Variants in MAP4K4 observed in about 807,000 individuals in gnomAD.
MAP4K4 encodes mitogen-activated protein kinase kinase kinase kinase 4.
MAP4K4 carries 38 observed loss-of-function variants against 189.6 expected under a neutral mutation model. The ratio of observed to expected loss-of-function variants is 0.20; its 90% CI spans 0.15 to 0.26. The LOEUF is 0.26. Among genes scored for constraint, MAP4K4 ranks in the 10% least tolerant of loss-of-function variants. MAP4K4 has a pLI of 1.00. For synonymous variants in MAP4K4, 610 were observed against 624.3 expected (o/e 0.98, Z 0.34); for missense variants, 1,054 against 1,726.9 (o/e 0.61, Z 6.91).
chr2:101,761,908 A>T (rs2076627931), intron 2 of MAP4K4, among the ~76,000 whole-genome samples: 2 of 152,078 alleles, frequency 1.3e-5, no homozygotes. Flanking sequence ...ACCCTCACCG[A>T]GCTACATTCA....
intron 3 of MAP4K4, among the ~76,000 whole-genome samples, chr2:101,817,202 C>T (rs549549782): frequency 2.5e-4 from 38 of 152,122 alleles, no homozygotes; most frequent in African/African-American, 7.7e-4. Flanking sequence ...TGGGGCTCGA[C>T]GAGGTCAACT....
Position 101,786,308 on chromosome 2 carries a change from G to A in MAP4K4, c.124-4412G>A, listed in dbSNP as rs569427155. Among the ~76,000 whole-genome samples, 3 of 152,000 alleles carry A rather than the reference G, an allele frequency of 2.0e-5. No homozygotes were observed. In the East Asian group the frequency reaches 5.8e-4, roughly 29 times the overall value. ...TGTGATGGTTTTTCGAGTGTGAGGT[G>A]GCAATTTTGACTTGGTTAGAAACAT... is the stretch of plus-strand genomic sequence containing the variant. On this transcript the variant is annotated intron_variant, in intron 2 of 32. Coordinates refer to ENST00000324219, the Ensembl canonical transcript of MAP4K4.
intron 3 of MAP4K4, chr2:101,797,526 C>T: frequency 1.6e-6 from 1 of 614,286 alleles, no homozygotes; most frequent in Non-Finnish European, 2.4e-6. Context: ...GCTAAATTTC[C>T]TCGTCTTGTA....
At chr2:101,865,370 G>C (rs1397241206) in intron 18 of MAP4K4, among the ~76,000 whole-genome samples, 1 of 152,154 alleles carries the variant, frequency 6.6e-6, no homozygotes, top group East Asian at 1.9e-4. Flanking sequence ...GATGTTGTAA[G>C]GCCTGTGGCA....
chr2:101,760,076 C>CCT (rs2075525399), intron 2 of MAP4K4, among the ~76,000 whole-genome samples: 4 of 152,032 alleles, frequency 2.6e-5, no homozygotes, highest in African/African-American at 9.7e-5. Flanking sequence ...GAACTCCTGA[C>CCT]CTCAGGTGAT....
In MAP4K4 at chr2:101,773,828, C is replaced by T. The variant is rs568739727; in HGVS notation, c.124-16892C>T. On this transcript the variant is annotated intron_variant, in intron 2 of 32. Coordinates refer to ENST00000324219, the Ensembl canonical transcript of MAP4K4. ...TTTTTAGCTCCTAGAAGTAAATGAA[C>T]GTGCAATGTCTGTCTTTCCGTGCTT... Among the ~76,000 whole-genome samples the T allele has an allele frequency of 1.3e-3, 195 of 152,254 alleles. 1 individual carries two copies. The highest frequency in any genetic ancestry group is 4.5e-3 in the African/African-American group (188 of 41,534).
chr2:101,775,661 C>T lies in MAP4K4; in HGVS notation c.124-15059C>T, dbSNP rs145122537. The stretch of plus-strand genomic sequence containing the variant: ...ATTTGCCATCTGTTTTATTTTTCCT[C>T]GGAAAAAAATTCTTCAAATTCTCGA... On this transcript the variant is annotated intron_variant, in intron 2 of 32. Coordinates refer to ENST00000324219, the Ensembl canonical transcript of MAP4K4. 5.2e-3 allele frequency among the ~76,000 whole-genome samples: 796 copies of T among 152,174 alleles called. 6 individuals carry two copies. The highest frequency in any genetic ancestry group is 7.5e-3 in the Admixed American group (115 of 15,274).
At chr2:101,702,287 C>T (rs886317167) in intron 2 of MAP4K4, among the ~76,000 whole-genome samples, 9 of 152,066 alleles carry the variant, frequency 5.9e-5, no homozygotes, top group South Asian at 2.1e-4. Context: ...GATTGTCAAC[C>T]GGACGCGGTG....
chr2:101,804,493 T>C (rs1271047485), intron 3 of MAP4K4, among the ~76,000 whole-genome samples: 1 of 152,170 alleles, frequency 6.6e-6, no homozygotes, highest in Non-Finnish European at 1.5e-5. Context: ...TCTTTGTCAG[T>C]TATCTGATGG....
intron 7 of MAP4K4, 133 bp downstream of exon 7, chr2:101,831,984 C>A: frequency 9.6e-7 from 1 of 1,041,638 alleles, no homozygotes; most frequent in Non-Finnish European, 1.4e-6. Context: ...AGGAAAATTG[C>A]AGGTGCAAAT....
intron 2 of MAP4K4, among the ~76,000 whole-genome samples, chr2:101,743,120 G>T (rs1340132465): frequency 6.6e-6 from 1 of 152,124 alleles, no homozygotes; most frequent in Admixed American, 6.5e-5. Context: ...AGATTGTTAG[G>T]GATGTGTGAG....
At chr2:101,864,937 T>G in exon 18 of MAP4K4, 1 of 1,566,102 alleles carries the variant, frequency 6.4e-7, no homozygotes, top group Non-Finnish European at 8.7e-7. Flanking sequence ...AAGGTTCCTG[T>G]GAGAACAACA....
chr2:101,863,117 C>G (rs965232025), intron 16 of MAP4K4, among the ~76,000 whole-genome samples: 2 of 151,944 alleles, frequency 1.3e-5, no homozygotes, highest in Non-Finnish European at 2.9e-5. Flanking sequence ...GAAGGAATAC[C>G]CCAACAATAG....
At chr2:101,701,128 C>T (rs993290916) in intron 2 of MAP4K4, among the ~76,000 whole-genome samples, 1 of 152,042 alleles carries the variant, frequency 6.6e-6, no homozygotes, top group Non-Finnish European at 1.5e-5. Context: ...TAAAAAAAAT[C>T]TGTAAGCTGA....
At chr2:101,756,347 G>T (rs1485441093) in intron 2 of MAP4K4, among the ~76,000 whole-genome samples, 1 of 152,090 alleles carries the variant, frequency 6.6e-6, no homozygotes, top group East Asian at 1.9e-4. Flanking sequence ...AAGCCAAGAG[G>T]GAATCTGGAA....
chr2:101,729,074 AGAG>A (rs1481698868), intron 2 of MAP4K4, among the ~76,000 whole-genome samples: 498 of 37,790 alleles, frequency 0.013, 2 homozygotes, highest in African/African-American at 0.037. Flanking sequence ...ATGATTAGAG[AGAG>A]GAGAGAGAGA....
At chr2:101,861,597 C>A (rs1019125442) in intron 16 of MAP4K4, 8 of 152,658 alleles carry the variant, frequency 5.2e-5, no homozygotes, top group Admixed American at 5.2e-4. Context: ...TGTGACCTCT[C>A]CTTGGGTCTG....
At chr2:101,793,755 A>G (rs2093318632) in intron 3 of MAP4K4, among the ~76,000 whole-genome samples, 1 of 152,012 alleles carries the variant, frequency 6.6e-6, no homozygotes, top group African/African-American at 2.4e-5. Context: ...GGGAAATTGA[A>G]TGGTGTGGCT....
exon 25 of MAP4K4, chr2:101,873,708 T>A: frequency 6.2e-7 from 1 of 1,613,382 alleles, no homozygotes; most frequent in Non-Finnish European, 8.5e-7. Context: ...ACACCTTTTA[T>A]AGACCCCAGA....
Sources: allele counts gnomAD v4.1 joint callset (sites outside exome capture counted in the v4.1 genomes callset), GRCh38; gene constraint gnomAD v4.1.1; transcripts MANE v1.5; gene names NCBI Gene and HGNC (gene_info 2026-07-23, HGNC 2026-07-21).